FREM2: variants seen among roughly 807,000 people sequenced by gnomAD.
FREM2 encodes the protein FRAS1-related extracellular matrix protein 2.
FREM2 carries 119 observed loss-of-function variants against 219.9 expected under a neutral mutation model. The observed-to-expected ratio is 0.54, with a 90% CI of 0.47 to 0.63. The LOEUF (loss-of-function observed/expected upper bound fraction) is 0.63. Ranked by LOEUF, FREM2 falls within the 30% of genes least tolerant of loss-of-function variation. FREM2 has a pLI of 0.00. For synonymous variants in FREM2, 1,562 were observed against 1,522.8 expected (o/e 1.03, Z -0.60); for missense variants, 4,030 against 3,993.6 (o/e 1.01, Z -0.25).
intron 14 of FREM2, among the ~76,000 whole-genome samples, chr13:38,860,793 A>C (rs960949230): frequency 6.6e-6 from 1 of 152,182 alleles, no homozygotes; most frequent in African/African-American, 2.4e-5. Context: ...TTCATGTCCA[A>C]ATTCTTGAAG....
rs1447690235 is a variant in FREM2, at chr13:38,687,978, G to A, written c.634G>A (p.Glu212Lys). 6.2e-7 allele frequency: 1 copy of A among 1,612,614 alleles called. No homozygotes were observed. ...GAGCCTGGAGTTCGCCTTCCAGCCC[G>A]AGACAGAGGAGTGCCGCGTGGGCAT... is the stretch of plus-strand genomic sequence containing the variant. Reference protein sequence around the residue: ...ARSLEFAFQPETEECRVGILS... With the variant: ...ARSLEFAFQPKTEECRVGILS... The change falls in exon 1 of 24, where the codon GAG becomes AAG. Residue 212 changes from glutamate (E) to lysine (K), a missense_variant. Glu to Lys is a moderately conservative substitution (Grantham distance 56). Transcript: ENST00000280481.
intron 16 of FREM2, among the ~76,000 whole-genome samples, chr13:38,864,820 C>T (rs575224014): frequency 7.2e-6 from 1 of 138,982 alleles, no homozygotes; most frequent in South Asian, 2.3e-4. Context: ...TGACAATGGG[C>T]TAGAAACATT....
At position 38,876,371 on chromosome 13, in the gene FREM2, C is replaced by A. The variant is rs371448296; in HGVS notation, c.8533C>A (p.Arg2845=). 1 of 1,613,514 alleles carries A rather than the reference C, an allele frequency of 6.2e-7. No individual in the cohort carries two copies. The highest frequency in any genetic ancestry group is 8.5e-7 in the Non-Finnish European group (1 of 1,179,766). The change falls in exon 20 of 24, where the codon CGA becomes AGA. Residue 2845 remains arginine (R), a synonymous_variant. Coordinates refer to ENST00000280481, the MANE Select transcript of FREM2 (RefSeq NM_207361.6). The part of the protein sequence containing the change: ...REPVTFDLDI[R]FQQVSDPVAA... ...ACCTGTCACCTTTGACCTTGACATC[C>A]GATTCCAACAGGTGTGGCTTATAGA...
chr13:38,849,810 C>T (rs1427944027), intron 8 of FREM2, among the ~76,000 whole-genome samples: 3 of 152,206 alleles, frequency 2.0e-5, no homozygotes, highest in Non-Finnish European at 4.4e-5. Context: ...TTTAACATTT[C>T]ATTGCATACC....
At chr13:38,769,546 A>G (rs1287751566) in intron 3 of FREM2, 32 bp from the exon 4 acceptor site, 4 of 1,555,210 alleles carry the variant, frequency 2.6e-6, no homozygotes, top group African/African-American at 2.7e-5. Flanking sequence ...GCGAAAATGA[A>G]ACTAAGAAAA....
At position 38,687,139 on chromosome 13, in the gene FREM2, G is replaced by T; in HGVS notation, c.-206G>T. The T allele has an allele frequency of 1.5e-6, 1 of 647,972 alleles. No homozygotes were observed. Among genetic ancestry groups the T allele is most frequent in the Non-Finnish European group, 2.6e-6 (1 of 377,678 alleles). 40.1% of individuals were successfully genotyped at this position (647,972 alleles called of 1,614,324 possible). On this transcript the variant is annotated 5_prime_UTR_variant, in exon 1 of 24. Coordinates refer to ENST00000280481, the MANE Select transcript of FREM2 (RefSeq NM_207361.6). ...GCTAGCGGCGGAGCTGGACGGCCTG[G>T]GAAGGCTTCGGCTCCTCGGCTGCGG... is the stretch of plus-strand genomic sequence containing the variant.
chr13:38,767,968 A>T (rs1034633970), intron 3 of FREM2, among the ~76,000 whole-genome samples: 2 of 152,222 alleles, frequency 1.3e-5, no homozygotes, highest in African/African-American at 4.8e-5. Flanking sequence ...TCATTGATAT[A>T]TTCCTATATA....
At chr13:38,826,079 T>A (rs1299527465) in intron 6 of FREM2, among the ~76,000 whole-genome samples, 1 of 152,130 alleles carries the variant, frequency 6.6e-6, no homozygotes, top group Non-Finnish European at 1.5e-5. Context: ...CTCCTATTTT[T>A]CCTTGAGAGG....
intron 16 of FREM2, among the ~76,000 whole-genome samples, chr13:38,869,933 C>G (rs1280942128): frequency 6.6e-6 from 1 of 152,174 alleles, no homozygotes; most frequent in East Asian, 1.9e-4. Context: ...AATCTTAACT[C>G]TCCCATTTGT....
At chr13:38,808,687 G>T (rs1875356011) in intron 6 of FREM2, among the ~76,000 whole-genome samples, 1 of 151,874 alleles carries the variant, frequency 6.6e-6, no homozygotes, top group African/African-American at 2.4e-5. Flanking sequence ...GGCGCTGTTT[G>T]TGGCACCCCA....
chr13:38,780,971 T>C (rs1227243800), intron 4 of FREM2, among the ~76,000 whole-genome samples: 1 of 152,256 alleles, frequency 6.6e-6, no homozygotes, highest in Non-Finnish European at 1.5e-5. Flanking sequence ...GCTGATTCCA[T>C]TGCTAAAGCA....
At chr13:38,845,284 T>A (rs1383996140) in intron 6 of FREM2, among the ~76,000 whole-genome samples, 2 of 152,240 alleles carry the variant, frequency 1.3e-5, no homozygotes, top group Non-Finnish European at 2.9e-5. Flanking sequence ...TTCTTTGGCT[T>A]TCCAAGTGGC....
In FREM2 at chr13:38,884,548, A is replaced by C. The variant is rs1488139461; in HGVS notation, c.*3761A>C. ...GTTTAAAAATGTAAATGTTTTACAA[A>C]TTTGAAACTTTCATAATTGTATTAA... On this transcript the variant is annotated 3_prime_UTR_variant, in exon 24 of 24. Transcript: ENST00000280481. The C allele has an allele frequency of 1.3e-5, 2 of 152,326 alleles. No individual in the cohort carries two copies. Among genetic ancestry groups the C allele is most frequent in the East Asian group, 3.9e-4 (2 of 5,190 alleles). The allele number at this position is 152,326 out of a possible 1,614,324, so 9.4% of individuals were successfully genotyped here.
In FREM2 at chr13:38,882,721, A is replaced by C. The variant is rs902053899; in HGVS notation, c.*1934A>C. On this transcript the variant is annotated 3_prime_UTR_variant, in exon 24 of 24. Coordinates refer to ENST00000280481, the MANE Select transcript of FREM2 (RefSeq NM_207361.6). Reference sequence around the variant, plus strand: ...TTTACCTTCTGGCAGATGCTTAGCTACTTCTTTGGCTACCTCATAATTTGT... The same window carrying C: ...TTTACCTTCTGGCAGATGCTTAGCTCCTTCTTTGGCTACCTCATAATTTGT... 6.6e-6 allele frequency: 1 copy of C among 152,138 alleles called. No homozygotes were observed. The highest frequency in any genetic ancestry group is 2.4e-5 in the African/African-American group (1 of 41,430). 9.4% of individuals were successfully genotyped at this position (152,138 alleles called of 1,614,324 possible).
At chr13:38,715,747 A>G (rs1044962858) in intron 2 of FREM2, among the ~76,000 whole-genome samples, 1 of 152,186 alleles carries the variant, frequency 6.6e-6, no homozygotes, top group African/African-American at 2.4e-5. Context: ...CTATCAGAGA[A>G]TGATAGAAAT....
intron 13 of FREM2, among the ~76,000 whole-genome samples, chr13:38,858,901 G>A (rs1004826325): frequency 2.7e-5 from 4 of 148,182 alleles, no homozygotes; most frequent in Non-Finnish European, 5.9e-5. Flanking sequence ...TGGAAAGGAA[G>A]GCATCAACTT....
intron 1 of FREM2, among the ~76,000 whole-genome samples, chr13:38,693,150 A>G (rs1869966263): frequency 6.6e-6 from 1 of 152,218 alleles, no homozygotes; most frequent in Non-Finnish European, 1.5e-5. Context: ...ATCTAGAGTT[A>G]TAACAATGAT....
intron 6 of FREM2, among the ~76,000 whole-genome samples, chr13:38,791,905 C>A (rs1247140667): frequency 6.6e-6 from 1 of 152,092 alleles, no homozygotes; most frequent in Admixed American, 6.6e-5. Context: ...AGTATATTTC[C>A]TCCCTCATGT....
chr13:38,794,923 T>C (rs536296902), intron 6 of FREM2, among the ~76,000 whole-genome samples: 1 of 152,314 alleles, frequency 6.6e-6, no homozygotes, highest in African/African-American at 2.4e-5. Context: ...AAAGCAACTT[T>C]ATGATATAGG....
Sources: gnomAD v4.1 joint callset for allele counts (sites outside exome capture counted in the v4.1 genomes callset) on GRCh38, gnomAD v4.1.1 for gene constraint, MANE v1.5 for transcripts, NCBI Gene and HGNC (gene_info 2026-07-23, HGNC 2026-07-21) for gene names.